PLAC1: variants seen among roughly 807,000 people sequenced by gnomAD.
The protein encoded by PLAC1 is placenta associated 1.
For missense variants in PLAC1, 136 were observed against 163.2 expected (o/e 0.83, Z 0.91); for synonymous variants, 68 against 62.1 (o/e 1.09, Z -0.44).
At chrX:134,707,741 T>C (rs2078610478) in intron 2 of PLAC1, among the ~76,000 whole-genome samples, 1 of 112,212 alleles carries the variant, frequency 8.9e-6, no homozygotes, top group Non-Finnish European at 1.9e-5. Flanking sequence ...GGCTGTCCTC[T>C]TCTATTGATT....
intron 2 of PLAC1, among the ~76,000 whole-genome samples, chrX:134,585,058 G>A (rs886402619): frequency 1.8e-5 from 2 of 109,179 alleles, no homozygotes; most frequent in Non-Finnish European, 3.8e-5. Context: ...TAGGCCGGGC[G>A]CGGTGGCTCA....
chrX:134,762,196 A>ACCC (rs143993606), intron 1 of PLAC1, among the ~76,000 whole-genome samples: 8 of 92,504 alleles, frequency 8.6e-5, no homozygotes, highest in African/African-American at 2.4e-4. Context: ...CTGTTGAGGC[A>ACCC]CCCCCCCCCC....
chrX:134,696,294 C>T (rs2078562856), intron 2 of PLAC1, among the ~76,000 whole-genome samples: 1 of 111,161 alleles, frequency 9.0e-6, no homozygotes, highest in Admixed American at 9.6e-5. Flanking sequence ...ACTAACCTCC[C>T]ATACTGGAGA....
chrX:134,570,464 G>A (rs1179495732), intron 2 of PLAC1, among the ~76,000 whole-genome samples: 3 of 111,446 alleles, frequency 2.7e-5, no homozygotes, highest in African/African-American at 9.8e-5. Context: ...GACTGGGGAA[G>A]AAATAAATGC....
intron 1 of PLAC1, among the ~76,000 whole-genome samples, chrX:134,651,883 T>G (rs923891284): frequency 9.0e-6 from 1 of 111,004 alleles, no homozygotes; most frequent in Non-Finnish European, 1.9e-5. Flanking sequence ...AGTAGACAAA[T>G]GCATTGTCTC....
intron 1 of PLAC1, among the ~76,000 whole-genome samples, chrX:134,743,274 A>C (rs2078721457): frequency 8.9e-6 from 1 of 112,457 alleles, no homozygotes; most frequent in African/African-American, 3.2e-5. Context: ...TTTTTTCCTA[A>C]TTCAGTTTTG....
chrX:134,606,758 C>A (rs146407850), intron 1 of PLAC1, among the ~76,000 whole-genome samples: 1,405 of 112,190 alleles, frequency 0.013, 25 homozygotes, highest in African/African-American at 0.041. Flanking sequence ...TACTTGCACT[C>A]ATGTTTATCA....
chrX:134,732,179 T>C (rs772232685), intron 2 of PLAC1, among the ~76,000 whole-genome samples: 11 of 111,204 alleles, frequency 9.9e-5, no homozygotes, highest in Non-Finnish European at 1.9e-4. Context: ...AGCCCTTGTG[T>C]CCCTTCCTCC....
chrX:134,676,581 C>T (rs1259098123), intron 2 of PLAC1, among the ~76,000 whole-genome samples: 1 of 112,299 alleles, frequency 8.9e-6, no homozygotes, highest in African/African-American at 3.2e-5. Context: ...TTCTAGACAA[C>T]TTCTTGTGAC....
intron 1 of PLAC1, among the ~76,000 whole-genome samples, chrX:134,627,421 G>T (rs2078241600): frequency 8.9e-6 from 1 of 112,054 alleles, no homozygotes; most frequent in African/African-American, 3.2e-5. Context: ...GTTTCTTTCA[G>T]GCCAGAAATT....
intron 2 of PLAC1, among the ~76,000 whole-genome samples, chrX:134,727,320 G>A (rs146935198): frequency 2.7e-3 from 299 of 112,118 alleles, no homozygotes; most frequent in African/African-American, 9.1e-3. Context: ...AGTGGAATGC[G>A]TTCTTCTCTC....
At chrX:134,626,937 GACA>G (rs750989510) in intron 1 of PLAC1, among the ~76,000 whole-genome samples, 1 of 110,966 alleles carries the variant, frequency 9.0e-6, no homozygotes, top group East Asian at 2.8e-4. Context: ...TCTATTAAAT[GACA>G]GCCACACAGG....
intron 2 of PLAC1, among the ~76,000 whole-genome samples, chrX:134,691,113 T>TTC (rs1470724797): frequency 1.7e-5 from 1 of 59,741 alleles, no homozygotes; most frequent in Non-Finnish European, 4.9e-5. Context: ...TGTTTCTTTT[T>TTC]TCTTTTTTTT....
At chrX:134,727,335 C>A (rs2078677599) in intron 2 of PLAC1, among the ~76,000 whole-genome samples, 1 of 112,157 alleles carries the variant, frequency 8.9e-6, no homozygotes, top group Admixed American at 9.5e-5. Flanking sequence ...TCTCTCATGC[C>A]ATGTAAATCT....
chrX:134,722,979 CAA>C (rs745727243), intron 2 of PLAC1, among the ~76,000 whole-genome samples: 5 of 82,486 alleles, frequency 6.1e-5, no homozygotes, highest in Non-Finnish European at 2.4e-5. Flanking sequence ...GACTTTGTCT[CAA>C]AAAAAAAAAA....
intron 2 of PLAC1, among the ~76,000 whole-genome samples, chrX:134,674,526 C>A (rs1486604461): frequency 4.4e-5 from 5 of 112,552 alleles, no homozygotes; most frequent in Non-Finnish European, 7.5e-5. Flanking sequence ...CTGGTTCCTA[C>A]AGCATTCAAC....
intron 2 of PLAC1, among the ~76,000 whole-genome samples, chrX:134,579,940 T>C (rs2077965891): frequency 8.9e-6 from 1 of 111,825 alleles, no homozygotes; most frequent in Non-Finnish European, 1.9e-5. Context: ...AGTTCTAAAA[T>C]TGATCGCTCT....
intron 1 of PLAC1, among the ~76,000 whole-genome samples, chrX:134,749,107 A>T (rs1038572502): frequency 3.6e-5 from 4 of 111,748 alleles, no homozygotes; most frequent in Non-Finnish European, 1.9e-5. Flanking sequence ...ACTTGAGCCC[A>T]GGAGTTCGAG....
intron 2 of PLAC1, among the ~76,000 whole-genome samples, chrX:134,571,190 A>AT (rs1602785004): frequency 1.8e-5 from 2 of 112,295 alleles, no homozygotes; most frequent in African/African-American, 6.5e-5. Flanking sequence ...CCATCGTTAA[A>AT]TTTTTTATGC....
Sources: gnomAD v4.1 joint callset for allele counts (sites outside exome capture counted in the v4.1 genomes callset) on GRCh38, gnomAD v4.1.1 for gene constraint, MANE v1.5 for transcripts, NCBI Gene and HGNC (gene_info 2026-07-23, HGNC 2026-07-21) for gene names.